TMEM71: variants seen among roughly 807,000 people sequenced by gnomAD.
TMEM71 encodes transmembrane protein 71.
TMEM71 carries 44 observed loss-of-function variants against 38.0 expected under a neutral mutation model. That is an observed-to-expected ratio of 1.16 (90% CI 0.91 to 1.49). The LOEUF is 1.49. Among genes scored for constraint, TMEM71 ranks in the 40% most tolerant of loss-of-function variants. The probability of loss-of-function intolerance (pLI) is 0.00; values close to 1 mark genes in which losing one functional copy is unlikely to be tolerated. For synonymous variants in TMEM71, 133 were observed against 122.5 expected, an observed-to-expected ratio of 1.09 and a Z score of -0.56; for missense variants, 367 against 348.6, an observed-to-expected ratio of 1.05 and a Z score of -0.42.
At chr8:132,754,216 A>G (rs1828880309) in intron 3 of TMEM71, among the ~76,000 whole-genome samples, 2 of 152,124 alleles carry the variant, frequency 1.3e-5, no homozygotes, top group African/African-American at 2.4e-5. Flanking sequence ...CATTAGCTTG[A>G]TTCTTTTTTT....
intron 8 of TMEM71, 27 bp downstream of exon 8, chr8:132,714,127 G>A: frequency 6.2e-7 from 1 of 1,607,724 alleles, no homozygotes; most frequent in African/African-American, 1.3e-5. Flanking sequence ...AGGCATCATT[G>A]CAGTAATCTG....
chr8:132,727,601 C>T (rs994637730), intron 6 of TMEM71, among the ~76,000 whole-genome samples, 197 bp downstream of exon 6: 2 of 150,912 alleles, frequency 1.3e-5, no homozygotes, highest in African/African-American at 5.0e-5. Flanking sequence ...GTTACTGATG[C>T]CTCTAACATG....
downstream of TMEM71, among the ~76,000 whole-genome samples, chr8:132,706,228 G>A (rs1424814656): frequency 6.6e-6 from 1 of 152,090 alleles, no homozygotes; most frequent in East Asian, 1.9e-4. Flanking sequence ...TTTTCTTATA[G>A]CAGTCTGAGC....
intron 2 of TMEM71, chr8:132,758,623 A>AT (rs11314346): frequency 0.015 from 6,693 of 446,242 alleles, 5 homozygotes; most frequent in Middle Eastern, 0.027. Flanking sequence ...AAAAACGGTG[A>AT]TTTTTTTTTT....
In TMEM71 at chr8:132,714,043, G is replaced by C. The variant is rs201486946; in HGVS notation, c.824C>G (p.Ser275Ter). The change falls in exon 9 of 10, where the codon TCA becomes TGA. Residue 275 changes from serine to a stop codon, truncating the protein, a stop_gained. Coordinates refer to ENST00000677595, the MANE Select transcript of TMEM71 (RefSeq NM_001382403.1). LOFTEE classifies it high-confidence loss of function. ...SLMITVAYVKSLFLSLASYFK... is the reference protein window; with the variant it reads ...SLMITVAYVK ...ATAGCTGGCAAGGCTGAGAAACAAT[G>C]ATTTCACATCTTGAGTGAAACAGAG... The C allele has an allele frequency of 3.4e-5, 55 of 1,613,918 alleles. No individual in the cohort carries two copies. The highest frequency in any genetic ancestry group is 4.5e-5 in the Non-Finnish European group (53 of 1,179,946).
chr8:132,725,504 T>C (rs912916768), intron 6 of TMEM71, among the ~76,000 whole-genome samples: 1 of 152,208 alleles, frequency 6.6e-6, no homozygotes, highest in Non-Finnish European at 1.5e-5. Flanking sequence ...TAAATTCTAT[T>C]GATTAATCCA....
At chr8:132,755,126 T>C (rs1366510848) in intron 3 of TMEM71, among the ~76,000 whole-genome samples, 5 of 152,248 alleles carry the variant, frequency 3.3e-5, no homozygotes, top group Non-Finnish European at 5.9e-5. Flanking sequence ...TTCAGAGTTC[T>C]GGACCTGTAT....
Position 132,714,156 on chromosome 8 carries a change from G to A in TMEM71, c.812C>T (p.Ala271Val), listed in dbSNP as rs1826380218. ...VFTCSLMITV[A>V]YVKSLFLSLA... ...TAATCTGGGAAACAGTTACTTACAA[G>A]CTACAGTTATCATCAATGAGCATGT... The change falls in exon 8 of 10, where the codon GCT becomes GTT. Residue 271 changes from alanine (A) to valine (V), a missense_variant and splice_region_variant. Ala to Val is a moderately conservative substitution (Grantham distance 64). Coordinates refer to ENST00000677595, the MANE Select transcript of TMEM71 (RefSeq NM_001382403.1). 3 of 1,612,810 alleles carry A rather than the reference G, an allele frequency of 1.9e-6. No homozygotes were observed. Among genetic ancestry groups the A allele is most frequent in the Non-Finnish European group, 1.7e-6 (2 of 1,179,124 alleles).
chr8:132,750,074 T>C (rs1325403231), intron 4 of TMEM71, among the ~76,000 whole-genome samples: 4 of 152,006 alleles, frequency 2.6e-5, no homozygotes, highest in Non-Finnish European at 4.4e-5. Context: ...CTGGTTTGTT[T>C]GAGTCATTAC....
the TMEM71 span, among the ~76,000 whole-genome samples, chr8:132,775,179 A>C: frequency 6.6e-6 from 1 of 151,894 alleles, no homozygotes; most frequent in African/African-American, 2.4e-5. Context: ...CACAACTACC[A>C]ATAGGCACCA....
intron 6 of TMEM71, among the ~76,000 whole-genome samples, chr8:132,727,472 G>A (rs970139875): frequency 6.6e-6 from 1 of 152,048 alleles, no homozygotes; most frequent in Non-Finnish European, 1.5e-5. Context: ...TAGCCAGGAT[G>A]GTCTTGATCT....
upstream of TMEM71, chr8:132,760,755 G>C (rs1829276478): frequency 6.6e-6 from 1 of 152,248 alleles, no homozygotes; most frequent in African/African-American, 2.4e-5. Context: ...TGGGCCAGCA[G>C]CAGGGAATGT....
chr8:132,771,932 G>A, the TMEM71 span, among the ~76,000 whole-genome samples: 5 of 152,234 alleles, frequency 3.3e-5, no homozygotes, highest in Admixed American at 3.3e-4. Flanking sequence ...TGAGCTCTTT[G>A]GCAGGTGAGG....
the TMEM71 span, among the ~76,000 whole-genome samples, chr8:132,772,053 T>C: frequency 6.6e-6 from 1 of 152,206 alleles, no homozygotes; most frequent in Non-Finnish European, 1.5e-5. Flanking sequence ...TAAAAAAAAC[T>C]TGAACTGCTT....
Position 132,714,174 on chromosome 8 carries a change from G to A in TMEM71, c.794C>T (p.Ser265Leu). The change falls in exon 8 of 10, where the codon TCA becomes TTA. Residue 265 changes from serine to leucine, a missense_variant. Coordinates refer to ENST00000677595, the MANE Select transcript of TMEM71 (RefSeq NM_001382403.1). ...GEILASVFTC[S>L]LMITVAYVKS... is the part of the protein sequence containing the mutation. The stretch of plus-strand genomic sequence containing the variant: ...CTTACAAGCTACAGTTATCATCAAT[G>A]AGCATGTGAAGACACTGGCTAATAT... 6.2e-7 allele frequency: 1 copy of A among 1,612,874 alleles called. No individual in the cohort carries two copies. The highest frequency in any genetic ancestry group is 8.5e-7 in the Non-Finnish European group (1 of 1,179,538).
the TMEM71 span, among the ~76,000 whole-genome samples, chr8:132,772,695 A>G: frequency 2.6e-5 from 4 of 152,206 alleles, no homozygotes; most frequent in Non-Finnish European, 5.9e-5. Context: ...AAAAATCAAT[A>G]TGACTATGAT....
chr8:132,724,110 TGA>T (rs1827000020), intron 6 of TMEM71, among the ~76,000 whole-genome samples: 2 of 152,268 alleles, frequency 1.3e-5, no homozygotes, highest in African/African-American at 4.8e-5. Context: ...CACATGCTTC[TGA>T]GGAAACAGGG....
At chr8:132,717,111 G>A (rs1826574612) in intron 7 of TMEM71, among the ~76,000 whole-genome samples, 1 of 152,152 alleles carries the variant, frequency 6.6e-6, no homozygotes, top group Non-Finnish European at 1.5e-5. Flanking sequence ...AAACCTAAAT[G>A]TAAGAGCTAA....
At chr8:132,752,057 A>G (rs1828745751) in intron 3 of TMEM71, 60 bp from the exon 4 acceptor site, 9 of 1,377,120 alleles carry the variant, frequency 6.5e-6, no homozygotes, top group Admixed American at 1.8e-5. Flanking sequence ...TCCCAAATAA[A>G]CCATGTCTCA....
Sources: allele counts gnomAD v4.1 joint callset (sites outside exome capture counted in the v4.1 genomes callset), GRCh38; gene constraint gnomAD v4.1.1; transcripts MANE v1.5; gene names NCBI Gene and HGNC (gene_info 2026-07-23, HGNC 2026-07-21).